Variants in PIWIL2 observed in about 807,000 individuals in gnomAD.
The protein encoded by PIWIL2 is piwi like RNA-mediated gene silencing 2.
PIWIL2 carries 81 observed loss-of-function variants against 116.5 expected under a neutral mutation model. The observed-to-expected ratio is 0.70, with a 90% CI of 0.58 to 0.84. The LOEUF is 0.84. Ranked by LOEUF, PIWIL2 falls within the 40% of genes least tolerant of loss-of-function variation. The pLI, the probability that PIWIL2 is intolerant of heterozygous loss-of-function variation, is 0.00. For missense variants in PIWIL2, 1,272 were observed against 1,212.3 expected (o/e 1.05, Z -0.73); for synonymous variants, 489 against 429.5 (o/e 1.14, Z -1.71).
intron 20 of PIWIL2, among the ~76,000 whole-genome samples, chr8:22,330,482 A>T (rs977077742): frequency 6.6e-6 from 1 of 150,964 alleles, no homozygotes. Context: ...GTGGATCACG[A>T]GGTCAGGGGT....
chr8:22,354,349 C>G lies in PIWIL2; in HGVS notation c.2736C>G (p.Thr912=), dbSNP rs368240988. 6.2e-7 allele frequency: 1 copy of G among 1,612,284 alleles called. No homozygotes were observed. The highest frequency in any genetic ancestry group is 8.5e-7 in the Non-Finnish European group (1 of 1,178,416). ...IPTHYVCVLN[T]ANLSPDHMQR... is the part of the protein sequence containing the mutation. ...CGCATTATGTCTGTGTTCTCAACAC[C>G]GCAAACCTGAGCCCTGATCATATGC... is the stretch of plus-strand genomic sequence containing the variant. Residue 912 remains threonine, a synonymous_variant, in exon 22 of 23, where the codon ACC becomes ACG. Transcript: ENST00000356766.
In PIWIL2 at chr8:22,340,193, C is replaced by T. The variant is rs543813774; in HGVS notation, c.2404-12766C>T. Among the ~76,000 whole-genome samples, 65 of 150,992 alleles carry T rather than the reference C, an allele frequency of 4.3e-4. 1 individual carries two copies. Among genetic ancestry groups the T allele is most frequent in the African/African-American group, 1.6e-3 (65 of 40,516 alleles). On this transcript the variant is annotated intron_variant, in intron 20 of 22. Coordinates refer to ENST00000356766, the MANE Select transcript of PIWIL2 (RefSeq NM_018068.5). ...TCAGCCTCCCAAGTAGCTGGGATTA[C>T]AGACATGTGCCACCATGCCTGGCTA...
chr8:22,279,205 C>T, intron 1 of PIWIL2, 136 bp from the exon 2 acceptor site: 1 of 595,374 alleles, frequency 1.7e-6, no homozygotes, highest in East Asian at 2.8e-5. Context: ...CAAATAGAAG[C>T]CTTTGAAGTG....
intron 4 of PIWIL2, among the ~76,000 whole-genome samples, chr8:22,282,168 C>T (rs1162740634): frequency 6.7e-6 from 1 of 149,346 alleles, no homozygotes; most frequent in African/African-American, 2.5e-5. Context: ...GCAACCTCCA[C>T]CTCCCAGGTT....
At chr8:22,345,909 G>C (rs1832216478) in intron 20 of PIWIL2, among the ~76,000 whole-genome samples, 1 of 152,146 alleles carries the variant, frequency 6.6e-6, no homozygotes, top group African/African-American at 2.4e-5. Flanking sequence ...GCATTAGTAG[G>C]TTCTAGGAGT....
At position 22,281,141 on chromosome 8, in the gene PIWIL2, A is replaced by G; in HGVS notation, c.220A>G (p.Met74Val). The change falls in exon 3 of 23, where the codon ATG (methionine) becomes GTG (valine). Residue 74 changes from methionine to valine, a missense_variant. Coordinates refer to ENST00000356766, the MANE Select transcript of PIWIL2 (RefSeq NM_018068.5). Reference protein sequence around the residue: ...AQRESVGLVSMFRGLGIETVS... With the variant: ...AQRESVGLVSVFRGLGIETVS... ...ACAGGAGTCTGTGGGTTTGGTCTCC[A>G]TGTTCCGAGGCCTGGGCATTGAAAC... 1 of 1,612,312 alleles carries G rather than the reference A, an allele frequency of 6.2e-7. No individual in the cohort carries two copies. The highest frequency in any genetic ancestry group is 8.5e-7 in the Non-Finnish European group (1 of 1,179,234).
At chr8:22,282,172 C>A (rs1830522081) in intron 4 of PIWIL2, among the ~76,000 whole-genome samples, 2 of 149,216 alleles carry the variant, frequency 1.3e-5, no homozygotes, top group East Asian at 3.9e-4. Context: ...CCTCCACCTC[C>A]CAGGTTCAAG....
intron 20 of PIWIL2, among the ~76,000 whole-genome samples, chr8:22,336,980 C>A (rs566167428): frequency 1.1e-4 from 16 of 152,022 alleles, no homozygotes; most frequent in Non-Finnish European, 2.2e-4. Flanking sequence ...AACTATGTAC[C>A]AACAAATTAG....
At chr8:22,313,019 A>G (rs1034402688) in intron 16 of PIWIL2, among the ~76,000 whole-genome samples, 9 of 152,162 alleles carry the variant, frequency 5.9e-5, no homozygotes, top group African/African-American at 1.9e-4. Context: ...CTGATCATAG[A>G]TAAGTTCTGC....
In PIWIL2 at chr8:22,355,641, T is replaced by A; in HGVS notation, c.*136T>A. 1 of 760,082 alleles carries A rather than the reference T, an allele frequency of 1.3e-6. No homozygotes were observed. The allele number at this position is 760,082 out of a possible 1,614,324, so 47.1% of individuals were successfully genotyped here. ...TTTCTCCAACCCTGTAGAATAAGAT[T>A]TCTTTCTTGTCTTTTAAACCTAATA... On this transcript the variant is annotated 3_prime_UTR_variant, in exon 23 of 23. Transcript: ENST00000356766.
At chr8:22,312,486 G>A (rs987963215) in intron 16 of PIWIL2, among the ~76,000 whole-genome samples, 1 of 149,456 alleles carries the variant, frequency 6.7e-6, no homozygotes, top group Non-Finnish European at 1.5e-5. Flanking sequence ...GGCTGGTCTC[G>A]AGCTTCTGGC....
chr8:22,326,439 T>C (rs1390750720), intron 20 of PIWIL2, among the ~76,000 whole-genome samples: 1 of 152,148 alleles, frequency 6.6e-6, no homozygotes, highest in African/African-American at 2.4e-5. Context: ...AGAGGATCTC[T>C]AGTTTAAAAA....
At chr8:22,288,453 T>C (rs759824704) in intron 7 of PIWIL2, 89 bp from the exon 8 acceptor site, 152 of 1,039,864 alleles carry the variant, frequency 1.5e-4, no homozygotes, top group Non-Finnish European at 2.0e-4. Context: ...ACTTTAGTGT[T>C]CTTAAGAACA....
intron 20 of PIWIL2, among the ~76,000 whole-genome samples, chr8:22,334,415 G>T (rs898843016): frequency 6.6e-6 from 1 of 150,772 alleles, no homozygotes; most frequent in Non-Finnish European, 1.5e-5. Context: ...CCAGCTACTC[G>T]GGAGACTGAG....
intron 20 of PIWIL2, among the ~76,000 whole-genome samples, chr8:22,321,244 G>C (rs1831591185): frequency 1.3e-5 from 2 of 151,778 alleles, no homozygotes; most frequent in African/African-American, 4.8e-5. Context: ...CAGAGTAGCA[G>C]GGACTACAGG....
intron 10 of PIWIL2, among the ~76,000 whole-genome samples, chr8:22,291,506 A>G (rs1250309459): frequency 6.6e-6 from 1 of 152,194 alleles, no homozygotes. Flanking sequence ...ATAAGTCTGT[A>G]CATCTGATTT....
chr8:22,301,578 G>A (rs1242195222), intron 10 of PIWIL2, among the ~76,000 whole-genome samples: 1 of 152,080 alleles, frequency 6.6e-6, no homozygotes, highest in Non-Finnish European at 1.5e-5. Flanking sequence ...ACAGGCATGA[G>A]CCACCATGCC....
chr8:22,295,122 AT>A (rs911578638), intron 10 of PIWIL2, among the ~76,000 whole-genome samples: 86 of 150,990 alleles, frequency 5.7e-4, no homozygotes, highest in African/African-American at 2.0e-3. Flanking sequence ...GTTATCTTGG[AT>A]TTTTTTTTGT....
intron 1 of PIWIL2, among the ~76,000 whole-genome samples, chr8:22,276,250 G>A (rs1042208960): frequency 6.6e-6 from 1 of 152,208 alleles, no homozygotes; most frequent in African/African-American, 2.4e-5. Flanking sequence ...TTTATGAATT[G>A]TGTGTTAATA....
Sources: allele counts gnomAD v4.1 joint callset (sites outside exome capture counted in the v4.1 genomes callset), GRCh38; gene constraint gnomAD v4.1.1; transcripts MANE v1.5; gene names NCBI Gene and HGNC (gene_info 2026-07-23, HGNC 2026-07-21).